CORO7: variants seen among roughly 807,000 people sequenced by gnomAD.
CORO7 encodes coronin-7.
A neutral mutation model predicts 126.6 loss-of-function variants in CORO7; 107 were observed. The ratio of observed to expected loss-of-function variants is 0.85; its 90% CI spans 0.72 to 0.99. The LOEUF is 0.99. CORO7 is among the 50% of genes least tolerant of loss of function. CORO7 has a pLI of 0.00. For missense variants in CORO7, 1,314 were observed against 1,255.8 expected, an observed-to-expected ratio of 1.05 and a Z score of -0.70; for synonymous variants, 603 against 536.8, an observed-to-expected ratio of 1.12 and a Z score of -1.70.
intron 9 of CORO7, among the ~76,000 whole-genome samples, chr16:4,376,553 A>G (rs1407512348): frequency 1.3e-5 from 2 of 152,132 alleles, no homozygotes; most frequent in East Asian, 3.8e-4. Context: ...CCCCAGAATC[A>G]GTGAGATGTT....
chr16:4,388,425 A>G (rs1225708423), intron 8 of CORO7, 120 bp downstream of exon 8: 5 of 1,134,058 alleles, frequency 4.4e-6, no homozygotes, highest in Non-Finnish European at 6.3e-6. Flanking sequence ...GCCAGGCCGT[A>G]TATGGACAGG....
At chr16:4,408,627 G>T (rs1294231453) in intron 3 of CORO7, among the ~76,000 whole-genome samples, 1 of 152,202 alleles carries the variant, frequency 6.6e-6, no homozygotes, top group South Asian at 2.1e-4. Flanking sequence ...TTGCTTTTTG[G>T]TTAAGCAAGC....
intron 1 of CORO7, among the ~76,000 whole-genome samples, chr16:4,414,042 C>T (rs1487277977): frequency 6.6e-6 from 1 of 151,762 alleles, no homozygotes; most frequent in Middle Eastern, 3.2e-3. Context: ...CAAAAATTAT[C>T]CAGGCATGGT....
chr16:4,359,742 G>C (rs2054098240), intron 21 of CORO7, 121 bp from the exon 22 acceptor site: 3 of 1,300,850 alleles, frequency 2.3e-6, no homozygotes, highest in Non-Finnish European at 3.1e-6. Context: ...AGTGTGGCCC[G>C]GCACCGCAGC....
At chr16:4,392,772 G>A (rs561695375) in intron 7 of CORO7, among the ~76,000 whole-genome samples, 49 of 152,344 alleles carry the variant, frequency 3.2e-4, no homozygotes, top group Non-Finnish European at 6.6e-4. Context: ...CCAGGTGTGG[G>A]CCAGATGCCC....
rs146287664 is a variant in CORO7, at chr16:4,392,950, A to G, written c.615+2339T>C. Among the ~76,000 whole-genome samples the G allele has an allele frequency of 7.9e-3, 1,208 of 152,292 alleles. 18 individuals carry two copies. Among genetic ancestry groups the G allele is most frequent in the African/African-American group, 0.027 (1,104 of 41,564 alleles). On this transcript the variant is annotated intron_variant, in intron 7 of 27. Transcript: ENST00000251166. ...AGCCCCGCAGGGGGGCTCCCTCCAG[A>G]ACCAGATCCTCTCCCTCTCTCTTCG... is the stretch of plus-strand genomic sequence containing the variant.
Position 4,357,249 on chromosome 16 carries a change from G to C in CORO7, c.2604C>G (p.Ala868=). The C allele has an allele frequency of 6.2e-7, 1 of 1,613,258 alleles. No homozygotes were observed. Among genetic ancestry groups the C allele is most frequent in the Middle Eastern group, 1.7e-4 (1 of 6,050 alleles). The part of the protein sequence containing the change: ...QPPDMSPVSQ[A]PREAPARRAP... ...CCCGACGAGCAGGGGCCTCTCGGGG[G>C]GCTTGGCTCACTGGGACAGAGCAAG... Residue 868 remains alanine, a synonymous_variant, in exon 26 of 28, where the codon GCC becomes GCG. Transcript: ENST00000251166.
intron 3 of CORO7, among the ~76,000 whole-genome samples, chr16:4,408,926 G>A (rs1457961636): frequency 6.6e-6 from 1 of 152,216 alleles, no homozygotes; most frequent in Non-Finnish European, 1.5e-5. Flanking sequence ...TCACACCACT[G>A]CATTCCAGCC....
At chr16:4,406,665 C>T (rs1321385518) in intron 5 of CORO7, among the ~76,000 whole-genome samples, 1 of 151,440 alleles carries the variant, frequency 6.6e-6, no homozygotes, top group Non-Finnish European at 1.5e-5. Flanking sequence ...TTGCTCTTGT[C>T]CCCCAGGGTG....
chr16:4,364,894 G>A lies in CORO7; in HGVS notation c.925C>T (p.Leu309=). The A allele has an allele frequency of 6.2e-7, 1 of 1,611,186 alleles. No individual in the cohort carries two copies. Among genetic ancestry groups the A allele is most frequent in the Non-Finnish European group, 8.5e-7 (1 of 1,179,328 alleles). ...CGGGGCACAAGGGCAGCCCCACGCA[G>A]CACGCTCTCCAGGACACACTGGGTC... ...PVTQCVLESV[L]RGAALVPRQA... The change falls in exon 12 of 28, where the codon CTG becomes TTG. Residue 309 remains leucine (L), a synonymous_variant. Transcript: ENST00000251166.
chr16:4,378,555 C>T (rs77745738), intron 9 of CORO7, among the ~76,000 whole-genome samples: 132 of 152,250 alleles, frequency 8.7e-4, no homozygotes, highest in Non-Finnish European at 1.6e-3. Flanking sequence ...GAGGGTGGAG[C>T]GGGTCCCATG....
intron 9 of CORO7, among the ~76,000 whole-genome samples, chr16:4,372,628 CA>C (rs1428763254): frequency 3.9e-5 from 6 of 152,232 alleles, no homozygotes; most frequent in Non-Finnish European, 7.3e-5. Flanking sequence ...GCTTGGGCTG[CA>C]AACCCAGTGG....
intron 3 of CORO7, among the ~76,000 whole-genome samples, chr16:4,409,821 G>C (rs1175314920): frequency 6.6e-6 from 1 of 152,228 alleles, no homozygotes; most frequent in Non-Finnish European, 1.5e-5. Context: ...AGGGGCCTCT[G>C]AAGGCAGGGC....
At chr16:4,391,155 G>A (rs1355741093) in intron 7 of CORO7, among the ~76,000 whole-genome samples, 1 of 152,192 alleles carries the variant, frequency 6.6e-6, no homozygotes, top group African/African-American at 2.4e-5. Flanking sequence ...TGGGCGCAAT[G>A]GTACCTGCCG....
intron 9 of CORO7, chr16:4,381,624 C>T (rs1206012424): frequency 2.5e-6 from 4 of 1,598,508 alleles, no homozygotes; most frequent in African/African-American, 2.7e-5. Context: ...TGGCCGGCAA[C>T]ACCCGCATTG....
intron 1 of CORO7, among the ~76,000 whole-genome samples, chr16:4,414,833 C>T (rs2056346832): frequency 6.6e-6 from 1 of 152,112 alleles, no homozygotes; most frequent in African/African-American, 2.4e-5. Flanking sequence ...TTGATGCAAA[C>T]CTAGGTACCT....
At chr16:4,382,220 G>A (rs2055006806) in intron 9 of CORO7, 1 of 1,604,892 alleles carries the variant, frequency 6.2e-7, no homozygotes. Context: ...ATGGGGCAGG[G>A]GACACGGCCC....
chr16:4,371,943 CTG>C (rs2054546770), intron 9 of CORO7: 1 of 152,480 alleles, frequency 6.6e-6, no homozygotes, highest in Non-Finnish European at 1.5e-5. Context: ...CCAGGAAAGA[CTG>C]AGGCCGCGGC....
intron 26 of CORO7, 111 bp downstream of exon 26, chr16:4,357,057 T>A (rs1284590203): frequency 7.9e-6 from 11 of 1,385,584 alleles, no homozygotes; most frequent in African/African-American, 1.4e-5. Flanking sequence ...GAAGGGGACG[T>A]GACATGTGGC....
Sources: gnomAD v4.1 joint callset for allele counts (sites outside exome capture counted in the v4.1 genomes callset) on GRCh38, gnomAD v4.1.1 for gene constraint, MANE v1.5 for transcripts, NCBI Gene and HGNC (gene_info 2026-07-23, HGNC 2026-07-21) for gene names.